The following MAML3 variants were observed in gnomAD, a reference collection of about 807,000 sequenced individuals.
MAML3 encodes the protein mastermind like transcriptional coactivator 3.
Under a neutral mutation model 101.9 loss-of-function variants are expected in MAML3, and 27 were observed. That is an observed-to-expected ratio of 0.27 (90% confidence interval 0.20 to 0.37). MAML3 has a LOEUF of 0.37. Ranked by LOEUF, MAML3 falls within the 10% of genes least tolerant of loss-of-function variation. The probability of loss-of-function intolerance (pLI) is 1.00; values close to 1 mark genes in which losing one functional copy is unlikely to be tolerated. For missense variants in MAML3, 1,316 were observed against 1,444.9 expected, an observed-to-expected ratio of 0.91 and a Z score of 1.45; for synonymous variants, 501 against 555.9, an observed-to-expected ratio of 0.90 and a Z score of 1.39.
intron 1 of MAML3, among the ~76,000 whole-genome samples, chr4:140,013,198 G>A (rs958488760): frequency 9.2e-5 from 14 of 152,124 alleles, no homozygotes; most frequent in Non-Finnish European, 1.5e-4. Context: ...TATTTAAGGA[G>A]TCAAATGATT....
At chr4:139,953,774 G>A (rs1304920377) in intron 1 of MAML3, among the ~76,000 whole-genome samples, 1 of 152,140 alleles carries the variant, frequency 6.6e-6, no homozygotes, top group Non-Finnish European at 1.5e-5. Context: ...TACTTTCTTT[G>A]AAAACTCAAG....
intron 2 of MAML3, among the ~76,000 whole-genome samples, chr4:139,877,771 A>G (rs1296741020): frequency 2.0e-5 from 3 of 152,234 alleles, no homozygotes; most frequent in Non-Finnish European, 4.4e-5. Flanking sequence ...AAACAGAAGA[A>G]TAAGATAAAT....
At chr4:140,003,664 C>T (rs919143375) in intron 1 of MAML3, among the ~76,000 whole-genome samples, 2 of 152,166 alleles carry the variant, frequency 1.3e-5, no homozygotes, top group South Asian at 4.1e-4. Flanking sequence ...ATTTTGCCAG[C>T]AACGTCTGTC....
intron 2 of MAML3, among the ~76,000 whole-genome samples, chr4:139,779,153 A>C (rs2111077370): frequency 6.6e-6 from 1 of 152,264 alleles, no homozygotes; most frequent in South Asian, 2.1e-4. Context: ...CCATTGCCCC[A>C]GCCAGTTAGC....
chr4:139,954,228 T>G (rs1733879604), intron 1 of MAML3, among the ~76,000 whole-genome samples: 1 of 152,224 alleles, frequency 6.6e-6, no homozygotes, highest in Non-Finnish European at 1.5e-5. Flanking sequence ...CTGCTGAGAC[T>G]AGGTGATGCC....
chr4:139,795,219 G>A (rs1026548764), intron 2 of MAML3, among the ~76,000 whole-genome samples: 6 of 152,080 alleles, frequency 3.9e-5, no homozygotes, highest in Admixed American at 2.0e-4. Flanking sequence ...AGACTAATTC[G>A]ACAATAACCT....
At chr4:140,021,923 G>C (rs1218524557) in intron 1 of MAML3, among the ~76,000 whole-genome samples, 1 of 152,166 alleles carries the variant, frequency 6.6e-6, no homozygotes, top group Non-Finnish European at 1.5e-5. Context: ...TGCCTTATGA[G>C]ATGGATACCA....
chr4:139,756,206 T>C (rs193127382), intron 2 of MAML3, among the ~76,000 whole-genome samples: 37 of 152,344 alleles, frequency 2.4e-4, no homozygotes, highest in Admixed American at 7.2e-4. Context: ...ATTGGTTGTT[T>C]AGTATGCTTT....
chr4:139,749,622 A>G (rs1198339378), intron 2 of MAML3, among the ~76,000 whole-genome samples: 1 of 152,262 alleles, frequency 6.6e-6, no homozygotes, highest in Non-Finnish European at 1.5e-5. Context: ...AGGACTTGAC[A>G]TGGAGGCCAC....
intron 2 of MAML3, among the ~76,000 whole-genome samples, chr4:139,833,244 G>A (rs1474506607): frequency 6.7e-6 from 1 of 150,298 alleles, no homozygotes; most frequent in African/African-American, 2.5e-5. Context: ...AGGGGCTGGG[G>A]AAGACAGAGA....
At chr4:139,996,356 G>T (rs2110836443) in intron 1 of MAML3, among the ~76,000 whole-genome samples, 1 of 152,230 alleles carries the variant, frequency 6.6e-6, no homozygotes, top group African/African-American at 2.4e-5. Context: ...TGAGAGTGGG[G>T]TATTGAAATC....
intron 1 of MAML3, among the ~76,000 whole-genome samples, chr4:140,091,331 T>C (rs369946955): frequency 1.3e-5 from 2 of 152,096 alleles, no homozygotes; most frequent in East Asian, 3.9e-4. Context: ...GCTGAGCTTC[T>C]CCTACCTGCC....
At chr4:139,730,823 T>C in intron 2 of MAML3, 156 bp from the exon 3 acceptor site, 1 of 660,960 alleles carries the variant, frequency 1.5e-6, no homozygotes, top group Non-Finnish European at 2.6e-6. Context: ...TAAACGTAGC[T>C]TCAAACCCGA....
At chr4:139,904,672 A>C (rs1225010759) in intron 1 of MAML3, among the ~76,000 whole-genome samples, 2 of 152,222 alleles carry the variant, frequency 1.3e-5, no homozygotes, top group Non-Finnish European at 2.9e-5. Flanking sequence ...TCAGAGGAGA[A>C]GGAAGCATGG....
At chr4:139,835,238 C>T (rs778564388) in intron 2 of MAML3, among the ~76,000 whole-genome samples, 3 of 152,240 alleles carry the variant, frequency 2.0e-5, no homozygotes, top group Admixed American at 1.3e-4. Context: ...TGCATAAGCA[C>T]GCTTGGTTGC....
intron 1 of MAML3, among the ~76,000 whole-genome samples, chr4:140,125,929 C>A (rs1728675750): frequency 6.6e-6 from 1 of 152,022 alleles, no homozygotes; most frequent in Non-Finnish European, 1.5e-5. Context: ...CAGGCACGTG[C>A]CACCACACCA....
chr4:139,917,481 C>T (rs1445494895), intron 1 of MAML3, among the ~76,000 whole-genome samples: 1 of 152,088 alleles, frequency 6.6e-6, no homozygotes, highest in African/African-American at 2.4e-5. Flanking sequence ...GGCGAGGAAG[C>T]TGAGGATATT....
chr4:140,140,018 A>G (rs1728954284), intron 1 of MAML3, among the ~76,000 whole-genome samples: 1 of 152,226 alleles, frequency 6.6e-6, no homozygotes, highest in Non-Finnish European at 1.5e-5. Context: ...CCAGAGCAGC[A>G]CCTTTAAGAA....
chr4:139,967,048 A>T (rs1734146463), intron 1 of MAML3, among the ~76,000 whole-genome samples: 1 of 152,272 alleles, frequency 6.6e-6, no homozygotes, highest in African/African-American at 2.4e-5. Flanking sequence ...ACAATTGTGA[A>T]GAAATTTAAT....
Sources: gnomAD v4.1 joint callset for allele counts (sites outside exome capture counted in the v4.1 genomes callset) on GRCh38, gnomAD v4.1.1 for gene constraint, MANE v1.5 for transcripts, NCBI Gene and HGNC (gene_info 2026-07-23, HGNC 2026-07-21) for gene names.